RIOX2: variants seen among roughly 807,000 people sequenced by gnomAD.
The protein encoded by RIOX2 is 60S ribosomal protein L27a histidine hydroxylase.
In RIOX2, 43 loss-of-function variants were observed where a neutral mutation model predicts 51.2. That is an observed-to-expected ratio of 0.84 (90% confidence interval 0.66 to 1.08). RIOX2 has a LOEUF of 1.08. RIOX2 is among the 50% of genes least tolerant of loss of function. RIOX2 has a pLI of 0.00. For synonymous variants in RIOX2, 226 were observed against 218.5 expected, an observed-to-expected ratio of 1.03 and a Z score of -0.30; for missense variants, 566 against 561.7, an observed-to-expected ratio of 1.01 and a Z score of -0.08.
At position 97,967,651 on chromosome 3, in the gene RIOX2, A is replaced by C; in HGVS notation, c.-39-19T>G. 6.8e-7 allele frequency: 1 copy of C among 1,478,032 alleles called. No individual in the cohort carries two copies. The highest frequency in any genetic ancestry group is 9.0e-7 in the Non-Finnish European group (1 of 1,112,754). 91.6% of individuals were successfully genotyped at this position (1,478,032 alleles called of 1,614,324 possible). A position where few individuals can be genotyped will look rare whatever the true frequency, so the allele number is the denominator to read the frequency against. On this transcript the variant is annotated intron_variant, in intron 1 of 9. Coordinates refer to ENST00000394198, the MANE Select transcript of RIOX2 (RefSeq NM_153182.4). ...TGCAAACCTACCAAAAGAACAAAAC[A>C]CACATGGTTAGGTTTACAAGGAGTG...
rs1223266022 is a variant in RIOX2, at chr3:97,945,895, G to GA, written c.1150-9dup. On this transcript the variant is annotated splice_polypyrimidine_tract_variant and intron_variant, in intron 8 of 9. Transcript: ENST00000394198. Reference sequence around the variant, plus strand: ...CTTTTCTTGAGCTTCATCCTTTGGGGAAAAAATAAATGCATTAGGCCATCA... The same window carrying GA: ...CTTTTCTTGAGCTTCATCCTTTGGGGAAAAAAATAAATGCATTAGGCCATCA... 13 of 1,591,556 alleles carry GA rather than the reference G, an allele frequency of 8.2e-6. No individual in the cohort carries two copies. Among genetic ancestry groups the GA allele is most frequent in the East Asian group, 4.5e-5 (2 of 44,670 alleles).
chr3:97,950,927 G>C (rs773710875), intron 5 of RIOX2, 39 bp from the exon 6 acceptor site: 1 of 1,400,602 alleles, frequency 7.1e-7, no homozygotes, highest in Non-Finnish European at 1.0e-6. Context: ...AACCAAAACA[G>C]TGAGTGCATA....
chr3:97,945,390 C>A, intron 9 of RIOX2, 48 bp from the exon 10 acceptor site: 1 of 1,483,758 alleles, frequency 6.7e-7, no homozygotes, highest in South Asian at 1.3e-5. Flanking sequence ...CTACTTATGT[C>A]ATTGAAGTAG....
At chr3:97,957,509 A>AG (rs1224393325) in intron 4 of RIOX2, among the ~76,000 whole-genome samples, 2 of 151,454 alleles carry the variant, frequency 1.3e-5, no homozygotes, top group Non-Finnish European at 2.9e-5. Context: ...AAAAAAAAAA[A>AG]AAAAATGACA....
rs1433365921 is a variant in RIOX2 at position 97,959,126 on chromosome 3, A to G, written c.606T>C (p.Thr202=). Residue 202 remains threonine (T), a synonymous_variant, in exon 4 of 10, where the codon ACT becomes ACC. Transcript: ENST00000394198. The part of the protein sequence containing the change: ...GEKHWRLYHP[T]VPLAREYSVE... Reference sequence around the variant, plus strand: ...CGCTGTACTCTCGTGCCAGGGGCACAGTGGGGTGGTAGAGGCGCCAGTGTT... The same window carrying G: ...CGCTGTACTCTCGTGCCAGGGGCACGGTGGGGTGGTAGAGGCGCCAGTGTT... The G allele has an allele frequency of 1.9e-6, 3 of 1,613,906 alleles. No homozygotes were observed. The African/African-American group carries it at 4.0e-5, about 22-fold the overall frequency.
At chr3:97,962,396 G>A (rs1051351407) in intron 2 of RIOX2, among the ~76,000 whole-genome samples, 1 of 128,740 alleles carries the variant, frequency 7.8e-6, no homozygotes, top group Non-Finnish European at 1.5e-5. Flanking sequence ...CTTTAAGTCG[G>A]TCTGAAGTTC....
rs150618232 is a variant in RIOX2 at position 97,945,333 on chromosome 3, G to A, written c.1249C>T (p.Leu417Phe). ...TCCAAATGTGACAAAGGGAAGCGAAGTCCATGAAACTGAAAGGATAAATTT... is the reference window on the plus strand; with the variant it reads ...TCCAAATGTGACAAAGGGAAGCGAAATCCATGAAACTGAAAGGATAAATTT... ...GNEEETEFHGLRFPLSHLDAL... is the reference protein window; with the variant it reads ...GNEEETEFHGFRFPLSHLDAL... The change falls in exon 10 of 10, where the codon CTT becomes TTT. Residue 417 changes from leucine (L) to phenylalanine (F), a missense_variant. Coordinates refer to ENST00000394198, the MANE Select transcript of RIOX2 (RefSeq NM_153182.4). The A allele has an allele frequency of 5.5e-5, 88 of 1,609,860 alleles. No individual in the cohort carries two copies. The highest frequency in any genetic ancestry group is 7.3e-5 in the Non-Finnish European group (86 of 1,178,120).
intron 2 of RIOX2, among the ~76,000 whole-genome samples, chr3:97,963,977 T>C (rs1705778679): frequency 6.6e-6 from 1 of 152,084 alleles, no homozygotes. Flanking sequence ...TTATCACAAA[T>C]CCTATTTAAA....
At chr3:97,956,151 C>T (rs945531542) in intron 4 of RIOX2, among the ~76,000 whole-genome samples, 1 of 152,198 alleles carries the variant, frequency 6.6e-6, no homozygotes, top group Non-Finnish European at 1.5e-5. Context: ...ACAATGGCTA[C>T]AATAACACTA....
At chr3:97,964,202 G>A (rs531051347) in intron 2 of RIOX2, among the ~76,000 whole-genome samples, 7 of 152,076 alleles carry the variant, frequency 4.6e-5, no homozygotes, top group Admixed American at 1.3e-4. Context: ...AAAACTCAAC[G>A]CCATGGCTAA....
At chr3:97,948,185 G>C (rs181834803) in intron 7 of RIOX2, among the ~76,000 whole-genome samples, 1 of 152,148 alleles carries the variant, frequency 6.6e-6, no homozygotes, top group East Asian at 1.9e-4. Flanking sequence ...TTGCTATTTT[G>C]AATAGATACA....
intron 5 of RIOX2, among the ~76,000 whole-genome samples, chr3:97,953,154 G>A (rs149873328): frequency 2.0e-5 from 3 of 152,238 alleles, no homozygotes; most frequent in African/African-American, 7.2e-5. Flanking sequence ...CAGCATTGGT[G>A]TCATTTCTGA....
intron 4 of RIOX2, among the ~76,000 whole-genome samples, chr3:97,954,983 T>C (rs1380427087): frequency 2.6e-5 from 4 of 152,158 alleles, no homozygotes. Context: ...GCCCCAAACC[T>C]TACAGGATTA....
chr3:97,958,297 T>G (rs1021047347), intron 4 of RIOX2, among the ~76,000 whole-genome samples: 1 of 152,222 alleles, frequency 6.6e-6, no homozygotes, highest in African/African-American at 2.4e-5. Context: ...ATTGTTTTAT[T>G]GCTAAAGGAA....
chr3:97,952,147 T>C, intron 5 of RIOX2: 2 of 1,285,930 alleles, frequency 1.6e-6, no homozygotes, highest in Non-Finnish European at 2.0e-6. Flanking sequence ...GCCCCAAATA[T>C]TCACCTTTAC....
chr3:97,958,003 A>G (rs1705515977), intron 4 of RIOX2, among the ~76,000 whole-genome samples: 1 of 152,238 alleles, frequency 6.6e-6, no homozygotes, highest in Admixed American at 6.5e-5. Context: ...TTTCTGGTCC[A>G]TGGGCCACAG....
Position 97,945,176 on chromosome 3 carries a change from C to A in RIOX2, c.*8G>T. The stretch of plus-strand genomic sequence containing the variant: ...ATAAAATAGTAGGCATTTGATTCTG[C>A]AAAGGCACTAGACTACTTGAATTAA... On this transcript the variant is annotated 3_prime_UTR_variant, in exon 10 of 10. Transcript: ENST00000394198. 1 of 1,594,834 alleles carries A rather than the reference C, an allele frequency of 6.3e-7. No individual in the cohort carries two copies. Among genetic ancestry groups the A allele is most frequent in the Non-Finnish European group, 8.5e-7 (1 of 1,173,106 alleles).
chr3:97,942,329 G>A lies in RIOX2; in HGVS notation c.*2855C>T, dbSNP rs369925348. The A allele has an allele frequency of 3.5e-5, 57 of 1,611,280 alleles. No individual in the cohort carries two copies. Among genetic ancestry groups the A allele is most frequent in the Non-Finnish European group, 4.6e-5 (54 of 1,178,350 alleles). ...TGTGATTGGTGGCCGGGACACACCT[G>A]GAGCTAAAGTAGCTCTATGGACTGA... On this transcript the variant is annotated 3_prime_UTR_variant, in exon 10 of 10. Coordinates refer to ENST00000394198, the MANE Select transcript of RIOX2 (RefSeq NM_153182.4).
intron 4 of RIOX2, among the ~76,000 whole-genome samples, chr3:97,957,571 G>C (rs1487660470): frequency 6.6e-6 from 1 of 150,780 alleles, no homozygotes; most frequent in Non-Finnish European, 1.5e-5. Flanking sequence ...GTCTTTCTCT[G>C]TCCAGGAGAC....
Sources: gnomAD v4.1 joint callset for allele counts (sites outside exome capture counted in the v4.1 genomes callset) on GRCh38, gnomAD v4.1.1 for gene constraint, MANE v1.5 for transcripts, NCBI Gene and HGNC (gene_info 2026-07-23, HGNC 2026-07-21) for gene names.